The following JPH2 variants were observed in gnomAD, a reference collection of about 807,000 sequenced individuals.
The protein encoded by JPH2 is junctophilin 2, also known as junctophilin-2.
Under a neutral mutation model 55.9 loss-of-function variants are expected in JPH2, and 38 were observed. That is an observed-to-expected ratio of 0.68 (90% CI 0.52 to 0.89). The LOEUF (loss-of-function observed/expected upper bound fraction) is 0.89. Ranked by LOEUF, JPH2 falls within the 40% of genes least tolerant of loss-of-function variation. JPH2 has a pLI of 0.00. For synonymous variants in JPH2, 480 were observed against 472.4 expected, an observed-to-expected ratio of 1.02 and a Z score of -0.21; for missense variants, 964 against 1,037.6, an observed-to-expected ratio of 0.93 and a Z score of 0.97.
intron 2 of JPH2, among the ~76,000 whole-genome samples, chr20:44,151,162 A>T (rs1277206280): frequency 1.3e-5 from 2 of 152,244 alleles, no homozygotes; most frequent in Non-Finnish European, 2.9e-5. Context: ...ATTTTCCCAT[A>T]ATAAAAAGTC....
chr20:44,125,083 C>T (rs1195277503), intron 2 of JPH2, among the ~76,000 whole-genome samples: 6 of 149,994 alleles, frequency 4.0e-5, no homozygotes, highest in African/African-American at 1.2e-4. Context: ...ACTCCAACTC[C>T]AGCCTGGGTG....
chr20:44,171,728 A>T (rs1418540633), intron 1 of JPH2, among the ~76,000 whole-genome samples: 1 of 152,170 alleles, frequency 6.6e-6, no homozygotes, highest in Non-Finnish European at 1.5e-5. Context: ...CAGCTCAAAC[A>T]TCACTTCCTC....
chr20:44,120,663 T>C (rs1235739385), intron 2 of JPH2, among the ~76,000 whole-genome samples: 1 of 152,172 alleles, frequency 6.6e-6, no homozygotes, highest in Non-Finnish European at 1.5e-5. Context: ...TCTTTTGGCT[T>C]CCATGGGCCA....
chr20:44,167,214 A>C (rs1286918215), intron 1 of JPH2, among the ~76,000 whole-genome samples: 1 of 152,126 alleles, frequency 6.6e-6, no homozygotes, highest in Non-Finnish European at 1.5e-5. Context: ...GGTGCCATTG[A>C]ATAATTATCA....
At chr20:44,146,442 C>T (rs574471842) in intron 2 of JPH2, among the ~76,000 whole-genome samples, 82 of 152,248 alleles carry the variant, frequency 5.4e-4, no homozygotes, top group African/African-American at 1.9e-3. Context: ...ATGTATGTCT[C>T]GAGAATCCGG....
intron 1 of JPH2, among the ~76,000 whole-genome samples, chr20:44,162,783 TATATACACAC>T (rs1298663509): frequency 2.3e-4 from 14 of 62,072 alleles, no homozygotes; most frequent in East Asian, 7.2e-4. Flanking sequence ...TATATATATA[TATATACACAC>T]ACACACACAC....
At chr20:44,177,466 T>C (rs1030386319) in intron 1 of JPH2, 36 of 991,642 alleles carry the variant, frequency 3.6e-5, no homozygotes, top group Non-Finnish European at 4.2e-5. Flanking sequence ...CATGAATCAC[T>C]GAAAACAAGG....
At chr20:44,175,162 T>G (rs1297614932) in intron 1 of JPH2, among the ~76,000 whole-genome samples, 2 of 152,222 alleles carry the variant, frequency 1.3e-5, no homozygotes, top group Non-Finnish European at 2.9e-5. Context: ...AATTTGCAAC[T>G]GTATACTGAT....
chr20:44,175,368 G>A (rs907599456), intron 1 of JPH2, among the ~76,000 whole-genome samples: 5 of 152,150 alleles, frequency 3.3e-5, no homozygotes, highest in Admixed American at 6.5e-5. Flanking sequence ...GTACTTCATC[G>A]CATGGTCTCA....
rs146369887 is a variant in JPH2, at chr20:44,129,100, C to A, written c.1170-10477G>T. Among the ~76,000 whole-genome samples, 541 of 152,248 alleles carry A rather than the reference C, an allele frequency of 3.6e-3. 1 individual carries two copies. The highest frequency in any genetic ancestry group is 0.013 in the African/African-American group (522 of 41,532). ...AGGAGTAAGGGTGGTGTTGGGGATTCTGAGGTTGGGGGCTGTGATAGCCCT... is the reference window on the plus strand; with the variant it reads ...AGGAGTAAGGGTGGTGTTGGGGATTATGAGGTTGGGGGCTGTGATAGCCCT... On this transcript the variant is annotated intron_variant, in intron 2 of 5. Transcript: ENST00000372980.
chr20:44,120,867 T>C lies in JPH2; in HGVS notation c.1170-2244A>G, dbSNP rs1302495412. 2.0e-5 allele frequency among the ~76,000 whole-genome samples: 3 copies of C among 152,218 alleles called. No homozygotes were observed. In the East Asian group the frequency reaches 5.8e-4, roughly 29 times the overall value. ...GCAAGGGTTAGACAAGCTTGCTCTA[T>C]ACCAGTAGCTGAGCATGTGCCAGAG... On this transcript the variant is annotated intron_variant, in intron 2 of 5. Coordinates refer to ENST00000372980, the MANE Select transcript of JPH2 (RefSeq NM_020433.5).
At chr20:44,167,613 C>T (rs776096878) in intron 1 of JPH2, among the ~76,000 whole-genome samples, 2 of 152,086 alleles carry the variant, frequency 1.3e-5, no homozygotes, top group African/African-American at 2.4e-5. Context: ...ATAGGACTCC[C>T]GAAATTAATA....
At position 44,178,071 on chromosome 20, in the gene JPH2, G is replaced by C. The variant is rs555900393; in HGVS notation, c.379+8256C>G. 1.5e-5 allele frequency: 12 copies of C among 777,900 alleles called. No homozygotes were observed. The Admixed American group carries it at 1.7e-4, about 11-fold the overall frequency. The allele number at this position is 777,900 out of a possible 1,614,324, so 48.2% of individuals were successfully genotyped here. On this transcript the variant is annotated intron_variant, in intron 1 of 5. Coordinates refer to ENST00000372980, the MANE Select transcript of JPH2 (RefSeq NM_020433.5). The stretch of plus-strand genomic sequence containing the variant: ...ACAGCTGGGATTTGAACCCAGATCT[G>C]CCTACTCTAAGTCTCAGTTGCTTAA...
chr20:44,122,145 C>A (rs1238634877), intron 2 of JPH2, among the ~76,000 whole-genome samples: 1 of 152,168 alleles, frequency 6.6e-6, no homozygotes, highest in Admixed American at 6.5e-5. Context: ...AGATTCTAAA[C>A]CTGGAGCTGT....
chr20:44,161,927 G>A (rs934618408), intron 1 of JPH2, among the ~76,000 whole-genome samples: 12 of 151,928 alleles, frequency 7.9e-5, no homozygotes, highest in African/African-American at 2.9e-4. Flanking sequence ...TTGGAAATTT[G>A]TGTTCCCTCA....
chr20:44,143,507 T>C (rs2072473500), intron 2 of JPH2, among the ~76,000 whole-genome samples: 1 of 152,200 alleles, frequency 6.6e-6, no homozygotes, highest in Non-Finnish European at 1.5e-5. Flanking sequence ...CCCGCATCCA[T>C]CCTTCAGACG....
rs1224145236 is a variant in JPH2 at position 44,154,593 on chromosome 20, C to T, written c.1169+5025G>A. 3.9e-5 allele frequency among the ~76,000 whole-genome samples: 6 copies of T among 152,112 alleles called. 1 individual carries two copies. Among genetic ancestry groups the T allele is most frequent in the South Asian group, 4.2e-4 (2 of 4,816 alleles). ...GAAAAGATGTCCTGATCGTAGCCTC[C>T]GGGCTGACAAATTCCACATGAGCCC... On this transcript the variant is annotated intron_variant, in intron 2 of 5. Transcript: ENST00000372980.
chr20:44,160,350 C>G lies in JPH2; in HGVS notation c.437G>C (p.Ser146Thr), dbSNP rs1474396064. 2 of 1,595,148 alleles carry G rather than the reference C, an allele frequency of 1.3e-6. No homozygotes were observed. Among genetic ancestry groups the G allele is most frequent in the Non-Finnish European group, 1.7e-6 (2 of 1,171,546 alleles). ...CACCACGGCCATCCCGTAGGGCACG[C>G]TCTGGCGTACTCCGTAGCCATGGCG... ...GMRHGYGVRQSVPYGMAVVVR... is the reference protein window; with the variant it reads ...GMRHGYGVRQTVPYGMAVVVR... Residue 146 changes from serine to threonine, a missense_variant, in exon 2 of 6, where the codon AGC becomes ACC. Physicochemically the swap from Ser to Thr is moderately conservative, Grantham distance 58. Transcript: ENST00000372980. This position sits in a 1 kb window ranked among gnomAD's most constrained non-coding sequence, Gnocchi z 4.9.
chr20:44,118,613 C>T lies in JPH2; in HGVS notation c.1180G>A (p.Ala394Thr), dbSNP rs372515066. ...AEIAASRTSHAKAKAEAAEQA... is the reference protein window; with the variant it reads ...AEIAASRTSHTKAKAEAAEQA... ...TCCGCTGCCTCAGCTTTGGCCTTGGCGTGGCTTGTCCTATGGAGACAATGT... is the reference window on the plus strand; with the variant it reads ...TCCGCTGCCTCAGCTTTGGCCTTGGTGTGGCTTGTCCTATGGAGACAATGT... The change falls in exon 3 of 6, where the codon GCC (alanine) becomes ACC (threonine). Residue 394 changes from alanine to threonine, a missense_variant. Transcript: ENST00000372980. 9.9e-6 allele frequency: 16 copies of T among 1,609,882 alleles called. No homozygotes were observed. The highest frequency in any genetic ancestry group is 1.7e-4 in the Middle Eastern group (1 of 6,050).
Sources: allele counts gnomAD v4.1 joint callset (sites outside exome capture counted in the v4.1 genomes callset), GRCh38; gene constraint gnomAD v4.1.1; non-coding constraint Gnocchi (gnomAD v3.1); transcripts MANE v1.5; gene names NCBI Gene and HGNC (gene_info 2026-07-23, HGNC 2026-07-21).